The following GSDME variants were observed in gnomAD, a reference collection of about 807,000 sequenced individuals.
The protein encoded by GSDME is gasdermin E.
GSDME carries 44 observed loss-of-function variants against 47.5 expected under a neutral mutation model. That is an observed-to-expected ratio of 0.93 (90% CI 0.73 to 1.19). The LOEUF is 1.19. Ranked by LOEUF, GSDME falls within the 50% of genes most tolerant of loss-of-function variation. GSDME has a pLI of 0.00. For missense variants in GSDME, 663 were observed against 604.2 expected (o/e 1.10, Z -1.02); for synonymous variants, 258 against 252.8 (o/e 1.02, Z -0.20).
intron 3 of GSDME, among the ~76,000 whole-genome samples, chr7:24,743,525 A>T (rs1790553049): frequency 6.6e-6 from 1 of 152,164 alleles, no homozygotes; most frequent in Non-Finnish European, 1.5e-5. Context: ...TGATCCTTCT[A>T]AAAAATACAT....
At chr7:24,758,229 G>A (rs2128069853), upstream of GSDME, 1 of 152,420 alleles carries the variant, frequency 6.6e-6, no homozygotes, top group African/African-American at 2.4e-5. The surrounding 1 kb of genome is among the most constrained non-coding windows in gnomAD (Gnocchi z 4.6). Context: ...GCGTGTGCAA[G>A]AGGGAAAGCT....
chr7:24,760,922 G>A (rs768407075), upstream of GSDME, among the ~76,000 whole-genome samples: 1 of 152,198 alleles, frequency 6.6e-6, no homozygotes, highest in Non-Finnish European at 1.5e-5. This position sits in a 1 kb window ranked among gnomAD's most constrained non-coding sequence, Gnocchi z 4.2. Flanking sequence ...ATACAGATAG[G>A]AGAAGAACTG....
the GSDME span, among the ~76,000 whole-genome samples, chr7:24,773,565 A>T: frequency 6.6e-6 from 1 of 152,224 alleles, no homozygotes; most frequent in African/African-American, 2.4e-5. The surrounding 1 kb of genome is among the most constrained non-coding windows in gnomAD (Gnocchi z 5.4). Flanking sequence ...CAGATATATT[A>T]TGCAGATCTA....
intron 8 of GSDME, 114 bp from the exon 9 acceptor site, chr7:24,702,947 G>A: frequency 3.6e-6 from 3 of 837,002 alleles, no homozygotes; most frequent in Non-Finnish European, 5.8e-6. Flanking sequence ...AGCCAGGCAG[G>A]GGAGGTACTC....
rs73082045 is a variant in GSDME, at chr7:24,721,379, C to T, written c.405-2161G>A. On this transcript the variant is annotated intron_variant, in intron 3 of 9. Coordinates refer to ENST00000645220, the MANE Select transcript of GSDME (RefSeq NM_001127453.2). The surrounding 1 kb of genome is among the most constrained non-coding windows in gnomAD (Gnocchi z 4.1). The stretch of plus-strand genomic sequence containing the variant: ...ACATTGATGACAACCACAAAGCTGC[C>T]GAGAGACTCCATTTCCAGGAAGGAA... Among the ~76,000 whole-genome samples the T allele has an allele frequency of 1.5e-4, 23 of 152,278 alleles. No homozygotes were observed. In the South Asian group the frequency reaches 3.1e-3, roughly 21 times the overall value.
chr7:24,719,169 T>C lies in GSDME; in HGVS notation c.454A>G (p.Asn152Asp), dbSNP rs979892116. Residue 152 changes from asparagine (N) to aspartate (D), a missense_variant, in exon 4 of 10, where the codon AAT becomes GAT. Transcript: ENST00000645220. ...PVLQQVLEGRNEVLCVLTQKI... is the reference protein window; with the variant it reads ...PVLQQVLEGRDEVLCVLTQKI... ...TGTGTCAAAACGCACAGGACCTCAT[T>C]CCTTCCTTCCAGCACCTGCTGGAGC... The C allele has an allele frequency of 1.9e-6, 3 of 1,613,774 alleles. No individual in the cohort carries two copies. In the East Asian group the frequency reaches 6.7e-5, roughly 36 times the overall value.
intron 3 of GSDME, among the ~76,000 whole-genome samples, chr7:24,719,498 G>C (rs1337110943): frequency 6.6e-6 from 1 of 152,132 alleles, no homozygotes; most frequent in African/African-American, 2.4e-5. Context: ...GAGAAGAAAA[G>C]AAAATCAACC....
At chr7:24,792,164 C>T in the GSDME span, among the ~76,000 whole-genome samples, 3 of 152,240 alleles carry the variant, frequency 2.0e-5, no homozygotes, top group Admixed American at 6.5e-5. Flanking sequence ...TCCAACCAGA[C>T]ATTTGCATCT....
chr7:24,745,860 A>C lies in GSDME; in HGVS notation c.212-1106T>G, dbSNP rs1354977699. Among the ~76,000 whole-genome samples the C allele has an allele frequency of 2.0e-5, 3 of 152,188 alleles. No individual in the cohort carries two copies. In the East Asian group the frequency reaches 5.8e-4, roughly 29 times the overall value. ...TCTCTAAGAAAATATAAAAATAATA[A>C]CAAATAAAAATAATGATTTTAAAAA... On this transcript the variant is annotated intron_variant, in intron 2 of 9. Transcript: ENST00000645220. The surrounding 1 kb of genome is among the most constrained non-coding windows in gnomAD (Gnocchi z 4.4).
At chr7:24,762,534 G>GCA (rs1413647928), upstream of GSDME, among the ~76,000 whole-genome samples, 1 of 152,084 alleles carries the variant, frequency 6.6e-6, no homozygotes, top group Non-Finnish European at 1.5e-5. Flanking sequence ...TAAAGCCCAT[G>GCA]CACCTAACAT....
At chr7:24,718,667 C>T (rs1396409253) in intron 4 of GSDME, among the ~76,000 whole-genome samples, 1 of 152,210 alleles carries the variant, frequency 6.6e-6, no homozygotes, top group Admixed American at 6.5e-5. Flanking sequence ...TGCCCTGCTT[C>T]AGGAATGAAC....
chr7:24,764,612 C>T, the GSDME span, among the ~76,000 whole-genome samples: 3 of 152,284 alleles, frequency 2.0e-5, no homozygotes, highest in African/African-American at 2.4e-5. This position sits in a 1 kb window ranked among gnomAD's most constrained non-coding sequence, Gnocchi z 4.4. Flanking sequence ...CCAAACCAAG[C>T]AAATCCCAGT....
chr7:24,736,474 A>G lies in GSDME; in HGVS notation c.404+8088T>C, dbSNP rs1790310636. 6.6e-6 allele frequency among the ~76,000 whole-genome samples: 1 copy of G among 152,226 alleles called. No homozygotes were observed. The highest frequency in any genetic ancestry group is 1.5e-5 in the Non-Finnish European group (1 of 68,036). On this transcript the variant is annotated intron_variant, in intron 3 of 9. Transcript: ENST00000645220. The surrounding 1 kb of genome is among the most constrained non-coding windows in gnomAD (Gnocchi z 4.6). Reference sequence around the variant, plus strand: ...GGGGTCAATTCAGCAAGAGGATATAACAATTGTAAATATTTATGTACCCAA... The same window carrying G: ...GGGGTCAATTCAGCAAGAGGATATAGCAATTGTAAATATTTATGTACCCAA...
At chr7:24,785,530 A>T in the GSDME span, among the ~76,000 whole-genome samples, 1 of 152,174 alleles carries the variant, frequency 6.6e-6, no homozygotes, top group African/African-American at 2.4e-5. Context: ...ATCTCAGCTC[A>T]CTGCAACCTC....
At position 24,725,001 on chromosome 7, in the gene GSDME, CT is replaced by C. The variant is rs1288325315; in HGVS notation, c.405-5784del. 6.6e-6 allele frequency among the ~76,000 whole-genome samples: 1 copy of C among 152,166 alleles called. No individual in the cohort carries two copies. The highest frequency in any genetic ancestry group is 1.5e-5 in the Non-Finnish European group (1 of 68,044). On this transcript the variant is annotated intron_variant, in intron 3 of 9. Coordinates refer to ENST00000645220, the MANE Select transcript of GSDME (RefSeq NM_001127453.2). The surrounding 1 kb of genome is among the most constrained non-coding windows in gnomAD (Gnocchi z 5.1). Reference sequence around the variant, plus strand: ...TGTGACATGTTTGCTCCTCTTTCACCTTTTTCCATGACTGGAAGCTTCTGGA... The same window carrying C: ...TGTGACATGTTTGCTCCTCTTTCACCTTTTCCATGACTGGAAGCTTCTGGA...
In GSDME at chr7:24,712,069, C is replaced by G. The variant is rs568953542; in HGVS notation, c.698-1681G>C. 6.6e-6 allele frequency among the ~76,000 whole-genome samples: 1 copy of G among 152,134 alleles called. No individual in the cohort carries two copies. The highest frequency in any genetic ancestry group is 1.9e-4 in the East Asian group (1 of 5,178). On this transcript the variant is annotated intron_variant, in intron 5 of 9. Transcript: ENST00000645220. This position sits in a 1 kb window ranked among gnomAD's most constrained non-coding sequence, Gnocchi z 4.4. ...GAAATGTAGAAGGCATGAGTATTAG[C>G]AAATATTTTCATTTGCTTGTGGGCA...
intron 6 of GSDME, among the ~76,000 whole-genome samples, chr7:24,708,623 C>T (rs910592602): frequency 1.3e-5 from 2 of 152,240 alleles, no homozygotes; most frequent in Admixed American, 1.3e-4. Context: ...CTAAACAAGT[C>T]AGTGCTTTTA....
In GSDME at chr7:24,726,561, C is replaced by T. The variant is rs932075114; in HGVS notation, c.405-7343G>A. ...ATGGTAGGCCGGGCGCGGTGGCTCA[C>T]GCCTGTTATCCCAGCACTTTGGGAG... is the stretch of plus-strand genomic sequence containing the variant. On this transcript the variant is annotated intron_variant, in intron 3 of 9. Coordinates refer to ENST00000645220, the MANE Select transcript of GSDME (RefSeq NM_001127453.2). The surrounding 1 kb of genome is among the most constrained non-coding windows in gnomAD (Gnocchi z 5.6). Among the ~76,000 whole-genome samples the T allele has an allele frequency of 1.3e-5, 2 of 152,222 alleles. No individual in the cohort carries two copies. The highest frequency in any genetic ancestry group is 4.8e-5 in the African/African-American group (2 of 41,448).
chr7:24,716,420 T>C lies in GSDME; in HGVS notation c.697+834A>G, dbSNP rs1160253777. The C allele has an allele frequency of 6.6e-6, 1 of 152,270 alleles. No individual in the cohort carries two copies. The allele number at this position is 152,270 out of a possible 1,614,324, so 9.4% of individuals were successfully genotyped here. A position where few individuals can be genotyped will look rare whatever the true frequency, so the allele number is the denominator to read the frequency against. On this transcript the variant is annotated intron_variant, in intron 5 of 9. Transcript: ENST00000645220. This position sits in a 1 kb window ranked among gnomAD's most constrained non-coding sequence, Gnocchi z 4.5. ...TCAAAGATAGGATGACTCATTTTTA[T>C]AAATATAACTATAATACCATTGTCA... is the stretch of plus-strand genomic sequence containing the variant.
Sources: gnomAD v4.1 joint callset for allele counts (sites outside exome capture counted in the v4.1 genomes callset) on GRCh38, gnomAD v4.1.1 for gene constraint, Gnocchi (gnomAD v3.1) non-coding constraint, MANE v1.5 for transcripts, NCBI Gene and HGNC (gene_info 2026-07-23, HGNC 2026-07-21) for gene names.